CARS2: variants seen among roughly 807,000 people sequenced by gnomAD.
The protein encoded by CARS2 is cysteinyl-tRNA synthetase 2, mitochondrial, also known as probable cysteine--tRNA ligase, mitochondrial.
A neutral mutation model predicts 68.8 loss-of-function variants in CARS2; 52 were observed. The observed-to-expected ratio is 0.76, with a 90% CI of 0.61 to 0.95. CARS2 has a LOEUF of 0.95. Among genes scored for constraint, CARS2 ranks in the 40% least tolerant of loss-of-function variants. CARS2 has a pLI of 0.00. For synonymous variants in CARS2, 314 were observed against 303.6 expected (o/e 1.03, Z -0.36); for missense variants, 780 against 754.2 (o/e 1.03, Z -0.40).
At chr13:110,702,367 T>C in intron 2 of CARS2, among the ~76,000 whole-genome samples, 1 of 152,242 alleles carries the variant, frequency 6.6e-6, no homozygotes, top group Middle Eastern at 3.4e-3. Context: ...ATAATTAACC[T>C]CTTACAGCTC....
At chr13:110,642,127 GGAGGCA>G (rs1407786011) in intron 14 of CARS2, among the ~76,000 whole-genome samples, 182 bp downstream of exon 14, 1 of 152,180 alleles carries the variant, frequency 6.6e-6, no homozygotes, top group Non-Finnish European at 1.5e-5. Flanking sequence ...CTTGAACCTG[GGAGGCA>G]GAGGCAGAGG....
chr13:110,645,816 G>A (rs908046420), intron 12 of CARS2, 151 bp downstream of exon 12: 1 of 1,034,724 alleles, frequency 9.7e-7, no homozygotes, highest in Non-Finnish European at 1.4e-6. Context: ...GTGTGTCAGC[G>A]GCAGACTCGG....
At chr13:110,650,761 C>A in intron 10 of CARS2, 1 of 391,528 alleles carries the variant, frequency 2.6e-6, no homozygotes, top group Non-Finnish European at 4.6e-6. Flanking sequence ...AGCCGAGGTG[C>A]TGCGGGTTCA....
intron 1 of CARS2, among the ~76,000 whole-genome samples, chr13:110,711,941 T>TA (rs2064031938): frequency 1.3e-5 from 2 of 152,240 alleles, no homozygotes; most frequent in Middle Eastern, 3.2e-3. Context: ...AATACGTTTT[T>TA]AAAAAATCCA....
At chr13:110,696,442 G>A (rs2063625636) in intron 3 of CARS2, among the ~76,000 whole-genome samples, 1 of 152,206 alleles carries the variant, frequency 6.6e-6, no homozygotes, top group South Asian at 2.1e-4. Flanking sequence ...GTTGTTTCCT[G>A]ACTTTTTAAT....
intron 13 of CARS2, 198 bp downstream of exon 13, chr13:110,644,187 A>G: frequency 6.8e-7 from 1 of 1,470,578 alleles, no homozygotes; most frequent in Non-Finnish European, 9.1e-7. Flanking sequence ...TGCCAACTGC[A>G]GAAGTAGAAT....
intron 13 of CARS2, chr13:110,642,986 T>C: frequency 5.5e-6 from 2 of 361,416 alleles, no homozygotes; most frequent in Non-Finnish European, 1.1e-5. Flanking sequence ...GGCCTCGCGC[T>C]GTCCTCCCAC....
intron 6 of CARS2, among the ~76,000 whole-genome samples, chr13:110,681,456 C>T (rs2063154452): frequency 6.6e-6 from 1 of 152,094 alleles, no homozygotes; most frequent in Non-Finnish European, 1.5e-5. Context: ...TTAAAAAGCA[C>T]TGCTGTGAAG....
intron 3 of CARS2, chr13:110,697,779 A>G (rs2063666356): frequency 2.8e-6 from 1 of 355,094 alleles, no homozygotes; most frequent in Non-Finnish European, 5.5e-6. Context: ...ATATATGTTC[A>G]TAGCAGCACT....
Position 110,641,488 on chromosome 13 carries a change from A to C in CARS2, c.*49T>G, listed in dbSNP as rs975525185. 2.8e-6 allele frequency: 4 copies of C among 1,441,732 alleles called. No homozygotes were observed. The highest frequency in any genetic ancestry group is 2.9e-6 in the Non-Finnish European group (3 of 1,022,548). 89.3% of individuals were successfully genotyped at this position (1,441,732 alleles called of 1,614,324 possible). On this transcript the variant is annotated 3_prime_UTR_variant, in exon 15 of 15. Coordinates refer to ENST00000257347, the MANE Select transcript of CARS2 (RefSeq NM_024537.4). ...TTTAACATAAAGCCTTGACCCTGAGAAGCATGGGTGCGTCTTGTCGTGAGC... is the reference window on the plus strand; with the variant it reads ...TTTAACATAAAGCCTTGACCCTGAGCAGCATGGGTGCGTCTTGTCGTGAGC...
chr13:110,644,737 C>T (rs1310437918), intron 12 of CARS2: 10 of 478,762 alleles, frequency 2.1e-5, no homozygotes, highest in South Asian at 7.8e-5. Flanking sequence ...CATCAGGCTT[C>T]GCGGGTGAAG....
Position 110,642,431 on chromosome 13 carries a change from C to T in CARS2, c.1507G>A (p.Ala503Thr), listed in dbSNP as rs1475424968. 9.3e-6 allele frequency: 15 copies of T among 1,605,424 alleles called. No homozygotes were observed. The highest frequency in any genetic ancestry group is 5.1e-6 in the Non-Finnish European group (6 of 1,176,552). ...GCGTCCCCCGTGGCCTCGGGCATGGCCAGCGCAAACTGCCGGACCTTCTGC... is the reference window on the plus strand; with the variant it reads ...GCGTCCCCCGTGGCCTCGGGCATGGTCAGCGCAAACTGCCGGACCTTCTGC... Reference protein sequence around the residue: ...FRQKVRQFALAMPEATGDARR... With the variant: ...FRQKVRQFALTMPEATGDARR... Residue 503 changes from alanine (A) to threonine (T), a missense_variant, in exon 14 of 15, where the codon GCC (alanine) becomes ACC (threonine). Coordinates refer to ENST00000257347, the MANE Select transcript of CARS2 (RefSeq NM_024537.4).
At chr13:110,693,043 G>C (rs2063517750) in intron 3 of CARS2, among the ~76,000 whole-genome samples, 1 of 148,980 alleles carries the variant, frequency 6.7e-6, no homozygotes, top group African/African-American at 2.5e-5. Context: ...TCGGGAGGCG[G>C]AGGTTGCAGT....
Position 110,649,938 on chromosome 13 carries a change from T to G in CARS2, c.1054+1096A>C, listed in dbSNP as rs975251305. Among the ~76,000 whole-genome samples the G allele has an allele frequency of 1.1e-4, 16 of 143,758 alleles. 1 individual carries two copies. In the East Asian group the frequency reaches 1.7e-3, roughly 15 times the overall value. The allele number at this position is 143,758 out of a possible 152,430, so 94.3% of individuals were successfully genotyped here. ...TGCAGCTCTGGATAACGACTTTTTT[T>G]TTTTTTTTTTTTTTTTTGAGACAGG... On this transcript the variant is annotated intron_variant, in intron 10 of 14. Transcript: ENST00000257347.
chr13:110,681,843 C>T (rs1441354524), intron 6 of CARS2, among the ~76,000 whole-genome samples: 1 of 152,170 alleles, frequency 6.6e-6, no homozygotes, highest in African/African-American at 2.4e-5. Flanking sequence ...CAGTGTATGA[C>T]TCCAACTATA....
At chr13:110,690,438 A>G (rs1444182153) in intron 3 of CARS2, among the ~76,000 whole-genome samples, 2 of 152,252 alleles carry the variant, frequency 1.3e-5, no homozygotes, top group Middle Eastern at 3.4e-3. Context: ...GAATCCCCAA[A>G]TGCAGCCCAT....
chr13:110,694,399 G>A (rs2063561152), intron 3 of CARS2, among the ~76,000 whole-genome samples: 1 of 151,998 alleles, frequency 6.6e-6, no homozygotes, highest in Admixed American at 6.5e-5. Context: ...GCACTTGGGA[G>A]GCTGAGGCAG....
chr13:110,645,771 C>T, intron 12 of CARS2, 196 bp downstream of exon 12: 1 of 628,864 alleles, frequency 1.6e-6, no homozygotes, highest in Non-Finnish European at 2.6e-6. Flanking sequence ...GCCCTGAGGC[C>T]CGGGAGGGTC....
In CARS2 at chr13:110,677,112, G is replaced by A. The variant is rs1594330657; in HGVS notation, c.656-9C>T. On this transcript the variant is annotated splice_polypyrimidine_tract_variant and intron_variant, in intron 6 of 14. Coordinates refer to ENST00000257347, the MANE Select transcript of CARS2 (RefSeq NM_024537.4). ...ACGCTTGTCAGAGTCCGCTGCAGAT[G>A]ACAAACGGTACATCAGTGGGAAGAA... is the stretch of plus-strand genomic sequence containing the variant. 3 of 1,600,602 alleles carry A rather than the reference G, an allele frequency of 1.9e-6. No homozygotes were observed. In the East Asian group the frequency reaches 6.8e-5, roughly 36 times the overall value.
Sources: gnomAD v4.1 joint callset for allele counts (sites outside exome capture counted in the v4.1 genomes callset) on GRCh38, gnomAD v4.1.1 for gene constraint, MANE v1.5 for transcripts, NCBI Gene and HGNC (gene_info 2026-07-23, HGNC 2026-07-21) for gene names.